The following NEBL variants were observed in gnomAD, a reference collection of about 807,000 sequenced individuals.
NEBL encodes the protein LIM and SH3 protein 2.
In NEBL, 122 loss-of-function variants were observed where a neutral mutation model predicts 140.2. The ratio of observed to expected loss-of-function variants is 0.87; its 90% CI spans 0.75 to 1.01. The LOEUF (loss-of-function observed/expected upper bound fraction) is 1.01. Among genes scored for constraint, NEBL ranks in the 50% least tolerant of loss-of-function variants. NEBL has a pLI of 0.00. For synonymous variants in NEBL, 436 were observed against 398.9 expected, an observed-to-expected ratio of 1.09 and a Z score of -1.11; for missense variants, 1,365 against 1,231.3, an observed-to-expected ratio of 1.11 and a Z score of -1.62.
chr10:20,862,116 T>A lies in NEBL; in HGVS notation c.685-2290A>T, dbSNP rs146906814. 4.1e-4 allele frequency among the ~76,000 whole-genome samples: 62 copies of A among 152,322 alleles called. No individual in the cohort carries two copies. The East Asian group carries it at 0.011, about 26-fold the overall frequency. On this transcript the variant is annotated intron_variant, in intron 7 of 27. Transcript: ENST00000377122. ...TACTTGAAGTATGGTTTCTACTAAA[T>A]GTGTATCACTTCCACGCCATGGTAA...
At chr10:21,264,526 C>G (rs1318235726) in intron 1 of NEBL, among the ~76,000 whole-genome samples, 1 of 151,368 alleles carries the variant, frequency 6.6e-6, no homozygotes. Flanking sequence ...TGAGTTCTTA[C>G]AAGATATGAG....
chr10:20,923,625 G>A (rs760649417), intron 4 of NEBL, among the ~76,000 whole-genome samples: 67 of 113,986 alleles, frequency 5.9e-4, no homozygotes, highest in Non-Finnish European at 9.5e-4. Flanking sequence ...ATTGCAGTGA[G>A]CCGAAATCAT....
intron 2 of NEBL, among the ~76,000 whole-genome samples, chr10:20,893,011 T>C (rs1588961043): frequency 6.6e-6 from 1 of 152,334 alleles, no homozygotes; most frequent in East Asian, 1.9e-4. Context: ...TTTAATGTTT[T>C]TGGCATTGAA....
At chr10:21,225,569 A>G (rs1390971341) in intron 3 of NEBL, among the ~76,000 whole-genome samples, 1 of 152,176 alleles carries the variant, frequency 6.6e-6, no homozygotes, top group Non-Finnish European at 1.5e-5. Flanking sequence ...GCTCTGTGCT[A>G]CTGCAGCTGA....
chr10:21,246,020 T>C (rs939653694), intron 3 of NEBL, among the ~76,000 whole-genome samples: 2 of 152,216 alleles, frequency 1.3e-5, no homozygotes, highest in African/African-American at 4.8e-5. Context: ...ATATACTTTT[T>C]TCCTTCTGTG....
intron 3 of NEBL, among the ~76,000 whole-genome samples, chr10:21,209,153 G>T (rs943374064): frequency 6.6e-6 from 1 of 152,172 alleles, no homozygotes; most frequent in African/African-American, 2.4e-5. Flanking sequence ...GGGGAAAGGT[G>T]AAAGGGCAAA....
intron 3 of NEBL, among the ~76,000 whole-genome samples, chr10:21,210,208 A>G (rs1841894095): frequency 6.6e-6 from 1 of 152,140 alleles, no homozygotes; most frequent in Non-Finnish European, 1.5e-5. Context: ...CCTGGACAAC[A>G]TGGTGAAACC....
intron 2 of NEBL, among the ~76,000 whole-genome samples, chr10:21,092,714 C>T (rs1298715081): frequency 6.6e-6 from 1 of 151,958 alleles, no homozygotes; most frequent in Non-Finnish European, 1.5e-5. Flanking sequence ...CTTCAAAGCA[C>T]TTTTTAACTC....
rs1289494595 is a variant in NEBL, at chr10:21,049,429, C to CAATTATTT, written c.165-29229_165-29228insAAATAATT. 1.7e-3 allele frequency among the ~76,000 whole-genome samples: 254 copies of CAATTATTT among 152,234 alleles called. 2 individuals carry two copies. The highest frequency in any genetic ancestry group is 5.6e-3 in the African/African-American group (234 of 41,538). On this transcript the variant is annotated intron_variant, in intron 2 of 6. Coordinates refer to the NEBL transcript ENST00000417816. The stretch of plus-strand genomic sequence containing the variant: ...ACTTAGCAAAATTATTTATTCTAAC[C>CAATTATTT]AAGCTCATAAGAAGATTGATTACAC...
intron 3 of NEBL, among the ~76,000 whole-genome samples, chr10:21,236,449 G>C (rs897970886): frequency 6.0e-5 from 9 of 150,072 alleles, no homozygotes. Flanking sequence ...CCAGGTTCAA[G>C]CAATTCTCAT....
chr10:21,100,080 G>A (rs1012801938), intron 2 of NEBL, among the ~76,000 whole-genome samples: 4 of 152,216 alleles, frequency 2.6e-5, no homozygotes, highest in Non-Finnish European at 5.9e-5. Flanking sequence ...GGGAGGGGAT[G>A]AATGTGCTTA....
At chr10:20,917,148 C>G (rs1034190494) in intron 4 of NEBL, among the ~76,000 whole-genome samples, 3 of 152,198 alleles carry the variant, frequency 2.0e-5, no homozygotes, top group African/African-American at 7.2e-5. Flanking sequence ...CTGGTAAGAA[C>G]ATTAACTTTT....
At chr10:20,820,926 T>C (rs1839244495) in intron 19 of NEBL, among the ~76,000 whole-genome samples, 1 of 152,154 alleles carries the variant, frequency 6.6e-6, no homozygotes, top group East Asian at 1.9e-4. Flanking sequence ...GGAAGTTGAA[T>C]AAGTTTAAAA....
chr10:20,924,478 A>ATAAGCTC (rs145724162), intron 4 of NEBL, among the ~76,000 whole-genome samples: 8,306 of 148,682 alleles, frequency 0.056, 387 homozygotes, highest in East Asian at 0.14. Context: ...GTTCACCAAA[A>ATAAGCTC]TAAGCTCCTC....
intron 2 of NEBL, among the ~76,000 whole-genome samples, chr10:21,101,231 A>C (rs1460579519): frequency 2.0e-5 from 3 of 152,218 alleles, no homozygotes; most frequent in Non-Finnish European, 2.9e-5. Flanking sequence ...ATCATCTGTA[A>C]GGCTACAGCT....
intron 26 of NEBL, among the ~76,000 whole-genome samples, chr10:20,794,411 C>T (rs530442784): frequency 2.8e-4 from 42 of 152,156 alleles, no homozygotes; most frequent in Admixed American, 2.5e-3. Flanking sequence ...ATACTATATC[C>T]TGCTTACTGC....
At chr10:21,252,186 A>G (rs1014683437) in intron 1 of NEBL, among the ~76,000 whole-genome samples, 2 of 152,202 alleles carry the variant, frequency 1.3e-5, no homozygotes, top group African/African-American at 2.4e-5. Context: ...TTCCTCTATT[A>G]CAGTCTGGTT....
chr10:21,279,653 G>T (rs1400412042), intron 1 of NEBL, among the ~76,000 whole-genome samples: 1 of 151,886 alleles, frequency 6.6e-6, no homozygotes, highest in African/African-American at 2.4e-5. Context: ...AGCTACTCAG[G>T]AGGCTGAGAC....
intron 4 of NEBL, among the ~76,000 whole-genome samples, chr10:20,954,804 T>G (rs945773671): frequency 1.3e-5 from 2 of 152,012 alleles, no homozygotes; most frequent in South Asian, 2.1e-4. Context: ...GGGGACCCCC[T>G]CCCATCTGGC....
Sources: allele counts gnomAD v4.1 joint callset (sites outside exome capture counted in the v4.1 genomes callset), GRCh38; gene constraint gnomAD v4.1.1; transcripts MANE v1.5; gene names NCBI Gene and HGNC (gene_info 2026-07-23, HGNC 2026-07-21).